Variants in PER3 observed in about 807,000 individuals in gnomAD.
The protein encoded by PER3 is period circadian regulator 3.
In PER3, 107 loss-of-function variants were observed where a neutral mutation model predicts 127.2. The ratio of observed to expected loss-of-function variants is 0.84; its 90% confidence interval spans 0.72 to 0.99. The LOEUF (loss-of-function observed/expected upper bound fraction) is 0.99, where lower values mean the gene tolerates loss of function less well. Ranked by LOEUF, PER3 falls within the 50% of genes least tolerant of loss-of-function variation. The pLI is 0.00. For missense variants in PER3, 1,560 were observed against 1,525.8 expected (o/e 1.02, Z -0.37); for synonymous variants, 618 against 585.8 (o/e 1.05, Z -0.79).
At chr1:7,817,356 A>C (rs1234833419) in intron 13 of PER3, among the ~76,000 whole-genome samples, 1 of 152,244 alleles carries the variant, frequency 6.6e-6, no homozygotes, top group Non-Finnish European at 1.5e-5. Context: ...ACTGCATTAC[A>C]GATGACAGGC....
chr1:7,789,350 G>A (rs777754100), intron 5 of PER3, among the ~76,000 whole-genome samples: 46 of 152,244 alleles, frequency 3.0e-4, no homozygotes, highest in Non-Finnish European at 4.9e-4. Flanking sequence ...TCATGAGGGC[G>A]TCTTTCCCAT....
rs768519091 is a variant in PER3 at position 7,823,764 on chromosome 1, CAG to C, written c.1958-2714_1958-2713del. ...AAAAACATAGAGAAAAAATAAGAAACAGATGATCCATACAACACTATCAGCCA... is the reference window on the plus strand; with the variant it reads ...AAAAACATAGAGAAAAAATAAGAAACATGATCCATACAACACTATCAGCCA... On this transcript the variant is annotated intron_variant, in intron 16 of 21. Transcript: ENST00000377532. Among the ~76,000 whole-genome samples the C allele has an allele frequency of 1.4e-3, 219 of 152,138 alleles. 1 individual carries two copies. Among genetic ancestry groups the C allele is most frequent in the Middle Eastern group, 0.01 (3 of 294 alleles).
In PER3 at chr1:7,803,690, A is replaced by G; in HGVS notation, c.980-2A>G. ...CTATTTTTGTCTTATTATTTTATAT[A>G]GTTTTGAAGTATGCAGGGCATCCTC... is the stretch of plus-strand genomic sequence containing the variant. On this transcript the variant is annotated splice_acceptor_variant, in intron 9 of 21. Coordinates refer to ENST00000377532, the MANE Select transcript of PER3 (RefSeq NM_001377275.1). LOFTEE classifies it high-confidence loss of function. The G allele has an allele frequency of 6.4e-7, 1 of 1,562,724 alleles. No homozygotes were observed. The highest frequency in any genetic ancestry group is 8.8e-7 in the Non-Finnish European group (1 of 1,140,006).
intron 16 of PER3, among the ~76,000 whole-genome samples, chr1:7,821,966 A>G (rs1334822074): frequency 6.6e-6 from 1 of 152,244 alleles, no homozygotes; most frequent in Non-Finnish European, 1.5e-5. Context: ...GTGTGGAACA[A>G]TTAAACCACA....
intron 18 of PER3, among the ~76,000 whole-genome samples, chr1:7,828,529 C>T (rs1025231748): frequency 1.3e-5 from 2 of 152,124 alleles, no homozygotes; most frequent in African/African-American, 2.4e-5. Context: ...GGTACAATAC[C>T]CTTCTTTAAC....
intron 15 of PER3, 90 bp from the exon 16 acceptor site, chr1:7,820,377 T>C (rs779372522): frequency 7.0e-7 from 1 of 1,427,972 alleles, no homozygotes; most frequent in Non-Finnish European, 9.5e-7. Flanking sequence ...GTTTAATTTC[T>C]CAGTTACAAA....
At chr1:7,839,085 G>A (rs184022734) in intron 21 of PER3, among the ~76,000 whole-genome samples, 1 of 152,094 alleles carries the variant, frequency 6.6e-6, no homozygotes, top group African/African-American at 2.4e-5. Flanking sequence ...GTAATGCCCT[G>A]CTCATTTCCT....
At chr1:7,832,940 C>T (rs2097340107) in intron 19 of PER3, among the ~76,000 whole-genome samples, 1 of 151,212 alleles carries the variant, frequency 6.6e-6, no homozygotes, top group Non-Finnish European at 1.5e-5. Flanking sequence ...CTGGGTTCAA[C>T]AATCCTCTGG....
At position 7,806,806 on chromosome 1, in the gene PER3, AAAAAAAATATATAT is replaced by A. The variant is rs1264103706; in HGVS notation, c.1137-2085_1137-2072del. Among the ~76,000 whole-genome samples the A allele has an allele frequency of 2.4e-4, 14 of 58,610 alleles. 1 individual carries two copies. The East Asian group carries it at 0.028, about 118-fold the overall frequency. 38.5% of individuals were successfully genotyped at this position (58,610 alleles called of 152,430 possible). A position where few individuals can be genotyped will look rare whatever the true frequency, so the allele number is the denominator to read the frequency against. On this transcript the variant is annotated intron_variant, in intron 10 of 21. Coordinates refer to ENST00000377532, the MANE Select transcript of PER3 (RefSeq NM_001377275.1). Reference sequence around the variant, plus strand: ...AAGACCCTGTCTCTTAAAAAAAAAAAAAAAAAATATATATATATATATATATATATTACATACAC... The same window carrying A: ...AAGACCCTGTCTCTTAAAAAAAAAAAATATATATATATATATTACATACAC...
chr1:7,821,304 T>C (rs1285903399), intron 16 of PER3, among the ~76,000 whole-genome samples: 1 of 152,254 alleles, frequency 6.6e-6, no homozygotes. Flanking sequence ...CTAATACGTG[T>C]TAAGCCATTT....
chr1:7,843,877 C>A lies in PER3; in HGVS notation c.*1122C>A. 2.4e-6 allele frequency: 3 copies of A among 1,235,228 alleles called. No homozygotes were observed. The highest frequency in any genetic ancestry group is 3.1e-6 in the Non-Finnish European group (3 of 957,338). 76.5% of individuals were successfully genotyped at this position (1,235,228 alleles called of 1,614,324 possible). On this transcript the variant is annotated 3_prime_UTR_variant, in exon 22 of 22. Coordinates refer to ENST00000377532, the MANE Select transcript of PER3 (RefSeq NM_001377275.1). ...TGTGATTGTTTACTTGATAAATCAG[C>A]TCACTCTCTGGTGCTTTTTAGAGAA...
chr1:7,806,153 GT>G (rs2097191608), intron 10 of PER3, among the ~76,000 whole-genome samples: 1 of 152,162 alleles, frequency 6.6e-6, no homozygotes, highest in African/African-American at 2.4e-5. Context: ...CTAGAGTTTG[GT>G]AAGTGTGACA....
intron 14 of PER3, 108 bp from the exon 15 acceptor site, chr1:7,820,007 G>T: frequency 9.0e-7 from 1 of 1,105,044 alleles, no homozygotes; most frequent in Non-Finnish European, 1.3e-6. Flanking sequence ...TATCAAAGAA[G>T]AAAGTACAAA....
rs759688357 is a variant in PER3, at chr1:7,821,567, GT to G, written c.1957+929del. On this transcript the variant is annotated intron_variant, in intron 16 of 21. Transcript: ENST00000377532. ...TGCATTCCTGTGTGGGCATGTAGCT[GT>G]TCATAATACAGCCCATACAGGAAGG... Among the ~76,000 whole-genome samples, 159 of 152,284 alleles carry G rather than the reference GT, an allele frequency of 1.0e-3. 1 individual carries two copies. Among genetic ancestry groups the G allele is most frequent in the Admixed American group, 4.4e-3 (67 of 15,308 alleles).
In PER3 at chr1:7,806,806, A is replaced by ATATATATATAT. The variant is rs1431205616; in HGVS notation, c.1137-2087_1137-2086insTATATATATAT. On this transcript the variant is annotated intron_variant, in intron 10 of 21. Coordinates refer to ENST00000377532, the MANE Select transcript of PER3 (RefSeq NM_001377275.1). ...AAGACCCTGTCTCTTAAAAAAAAAA[A>ATATATATATAT]AAAAAAATATATATATATATATATA... Among the ~76,000 whole-genome samples, 10 of 58,602 alleles carry ATATATATATAT rather than the reference A, an allele frequency of 1.7e-4. No individual in the cohort carries two copies. The South Asian group carries it at 5.8e-3, about 34-fold the overall frequency. The allele number at this position is 58,602 out of a possible 152,430, so 38.4% of individuals were successfully genotyped here. A position where few individuals can be genotyped will look rare whatever the true frequency, so the allele number is the denominator to read the frequency against.
intron 5 of PER3, 32 bp from the exon 6 acceptor site, chr1:7,793,925 G>A: frequency 6.3e-7 from 1 of 1,589,510 alleles, no homozygotes; most frequent in South Asian, 1.1e-5. Context: ...CTGGATAAGA[G>A]GGAGTGACTG....
intron 8 of PER3, among the ~76,000 whole-genome samples, chr1:7,802,664 C>A (rs1450745200): frequency 3.3e-5 from 5 of 152,144 alleles, no homozygotes; most frequent in Admixed American, 3.3e-4. Flanking sequence ...TTACGATGTG[C>A]TTTTTGTAGA....
In PER3 at chr1:7,844,680, T is replaced by C. The variant is rs534833299; in HGVS notation, c.*1925T>C. 1 of 152,940 alleles carries C rather than the reference T, an allele frequency of 6.5e-6. No individual in the cohort carries two copies. Among genetic ancestry groups the C allele is most frequent in the East Asian group, 1.9e-4 (1 of 5,318 alleles). 9.5% of individuals were successfully genotyped at this position (152,940 alleles called of 1,614,324 possible). On this transcript the variant is annotated 3_prime_UTR_variant, in exon 22 of 22. Transcript: ENST00000377532. ...TGTTATACTAGGTTTGATTTGAAAC[T>C]GGTGCTTGTCGCAGAACTGTCAGAG...
chr1:7,794,809 T>C lies in PER3; in HGVS notation c.644+801T>C, dbSNP rs2097137728. Among the ~76,000 whole-genome samples the C allele has an allele frequency of 2.0e-5, 3 of 151,430 alleles. 1 individual carries two copies. The South Asian group carries it at 6.2e-4, about 31-fold the overall frequency. On this transcript the variant is annotated intron_variant, in intron 6 of 21. Transcript: ENST00000377532. ...GTAGGAATTACTACTGAATTTTTTA[T>C]CTTCTAAATTTGCTGCAATATATTA...
Sources: allele counts gnomAD v4.1 joint callset (sites outside exome capture counted in the v4.1 genomes callset), GRCh38; gene constraint gnomAD v4.1.1; transcripts MANE v1.5; gene names NCBI Gene and HGNC (gene_info 2026-07-23, HGNC 2026-07-21).